The following KIF13A variants were observed in gnomAD, a reference collection of about 807,000 sequenced individuals.
KIF13A encodes kinesin-like protein KIF13A.
Under a neutral mutation model 212.2 loss-of-function variants are expected in KIF13A, and 79 were observed. That is an observed-to-expected ratio of 0.37 (90% confidence interval 0.31 to 0.45). The LOEUF is 0.45. Ranked by LOEUF, KIF13A falls within the 20% of genes least tolerant of loss-of-function variation. KIF13A has a pLI of 1.00. For synonymous variants in KIF13A, 789 were observed against 808.6 expected (o/e 0.98, Z 0.41); for missense variants, 1,901 against 2,209.0 (o/e 0.86, Z 2.79).
chr6:17,982,087 C>A lies in KIF13A; in HGVS notation c.146+4967G>T, dbSNP rs1208772642. On this transcript the variant is annotated intron_variant, in intron 2 of 38. Coordinates refer to ENST00000259711, the MANE Select transcript of KIF13A (RefSeq NM_022113.6). This position sits in a 1 kb window ranked among gnomAD's most constrained non-coding sequence, Gnocchi z 5.1. ...TTGGAATATATGCATTATATACTTA[C>A]CAACTGAGCATTCTTTTTTTTTTTT... 6.7e-6 allele frequency among the ~76,000 whole-genome samples: 1 copy of A among 150,114 alleles called. No individual in the cohort carries two copies. Among genetic ancestry groups the A allele is most frequent in the Non-Finnish European group, 1.5e-5 (1 of 67,788 alleles).
At chr6:17,924,316 T>C (rs761184517) in intron 2 of KIF13A, among the ~76,000 whole-genome samples, 3 of 152,164 alleles carry the variant, frequency 2.0e-5, no homozygotes, top group Non-Finnish European at 2.9e-5. Context: ...ACAATAGACA[T>C]TTTAGGGATT....
At chr6:17,976,528 G>C (rs901937767) in intron 2 of KIF13A, among the ~76,000 whole-genome samples, 1 of 152,084 alleles carries the variant, frequency 6.6e-6, no homozygotes, top group Non-Finnish European at 1.5e-5. Flanking sequence ...CAGCTGGCCC[G>C]CAAGCGCGGC....
chr6:17,843,187 G>A lies in KIF13A; in HGVS notation c.831-5604C>T, dbSNP rs1052654198. ...CTTGGTTTATGACTGAAAGCACTCA[G>A]TAAATATCTGCAGCGTTAATCTGAA... On this transcript the variant is annotated intron_variant, in intron 9 of 38. Transcript: ENST00000259711. The surrounding 1 kb of genome is among the most constrained non-coding windows in gnomAD (Gnocchi z 5.3). Among the ~76,000 whole-genome samples, 1 of 152,136 alleles carries A rather than the reference G, an allele frequency of 6.6e-6. No homozygotes were observed. The highest frequency in any genetic ancestry group is 2.4e-5 in the African/African-American group (1 of 41,426).
At position 17,794,695 on chromosome 6, in the gene KIF13A, T is replaced by A. The variant is rs1486751512; in HGVS notation, c.2952A>T (p.Glu984Asp). 1 of 1,608,768 alleles carries A rather than the reference T, an allele frequency of 6.2e-7. No individual in the cohort carries two copies. The highest frequency in any genetic ancestry group is 8.5e-7 in the Non-Finnish European group (1 of 1,178,824). Residue 984 changes from glutamate (E) to aspartate (D), a missense_variant, in exon 24 of 39, where the codon GAA becomes GAT. By Grantham distance (45) the Glu-to-Asp change is conservative. Coordinates refer to ENST00000259711, the MANE Select transcript of KIF13A (RefSeq NM_022113.6). The surrounding 1 kb of genome is among the most constrained non-coding windows in gnomAD (Gnocchi z 4.1). ...TCCACATTTCTATTCTTCGCGTTAC[T>A]TCATTCCACCTGCAGAAACACATTC... ...KTRTLHDRWN[E>D]VTRRIEMWIS...
At chr6:17,969,954 G>C (rs1432177770) in intron 2 of KIF13A, among the ~76,000 whole-genome samples, 1 of 149,358 alleles carries the variant, frequency 6.7e-6, no homozygotes, top group Non-Finnish European at 1.5e-5. Context: ...ACGGAGTCTC[G>C]CTCTTTCACC....
In KIF13A at chr6:17,785,680, GA is replaced by G. The variant is rs755202736; in HGVS notation, c.3362-40del. On this transcript the variant is annotated intron_variant, in intron 27 of 38. Transcript: ENST00000259711. This position sits in a 1 kb window ranked among gnomAD's most constrained non-coding sequence, Gnocchi z 5.8. ...TGAGGAGATCAATGCCAACAAGAGA[GA>G]AAGTATGACTTCTCAGTTTACAAGG... is the stretch of plus-strand genomic sequence containing the variant. The G allele has an allele frequency of 2.3e-5, 37 of 1,582,088 alleles. No individual in the cohort carries two copies. Among genetic ancestry groups the G allele is most frequent in the Non-Finnish European group, 1.6e-5 (19 of 1,163,626 alleles).
At chr6:17,931,184 T>C (rs1775950227) in intron 2 of KIF13A, among the ~76,000 whole-genome samples, 1 of 152,246 alleles carries the variant, frequency 6.6e-6, no homozygotes, top group African/African-American at 2.4e-5. Context: ...TTGTTCTTGG[T>C]TGACCAGTTT....
In KIF13A at chr6:17,855,027, A is replaced by G. The variant is rs1375821766; in HGVS notation, c.494+410T>C. 6.6e-6 allele frequency among the ~76,000 whole-genome samples: 1 copy of G among 152,182 alleles called. No homozygotes were observed. Among genetic ancestry groups the G allele is most frequent in the African/African-American group, 2.4e-5 (1 of 41,450 alleles). ...CAAGTGGATGCTTAAAACGTTCCCC[A>G]CATGATTCCAATGCACAGCCAGGGA... On this transcript the variant is annotated intron_variant, in intron 6 of 38. Coordinates refer to ENST00000259711, the MANE Select transcript of KIF13A (RefSeq NM_022113.6). This position sits in a 1 kb window ranked among gnomAD's most constrained non-coding sequence, Gnocchi z 4.1.
chr6:17,808,822 G>A lies in KIF13A; in HGVS notation c.2109C>T (p.Thr703=), dbSNP rs749165105. ...GGATCTGAAGAGTCACTTGGTAATCGGTGAGTTTGCTCATTTCCTCAGCCA... is the reference window on the plus strand; with the variant it reads ...GGATCTGAAGAGTCACTTGGTAATCAGTGAGTTTGCTCATTTCCTCAGCCA... The part of the protein sequence containing the change: ...NFLAEEMSKL[T]DYQVTLQIPA... The change falls in exon 18 of 39, where the codon ACC becomes ACT. Residue 703 remains threonine (T), a synonymous_variant. Coordinates refer to ENST00000259711, the MANE Select transcript of KIF13A (RefSeq NM_022113.6). 17 of 1,613,750 alleles carry A rather than the reference G, an allele frequency of 1.1e-5. No individual in the cohort carries two copies. The highest frequency in any genetic ancestry group is 1.3e-5 in the Non-Finnish European group (15 of 1,179,830).
intron 6 of KIF13A, 24 bp from the exon 7 acceptor site, chr6:17,852,066 T>C (rs779963188): frequency 2.7e-5 from 34 of 1,263,604 alleles, no homozygotes; most frequent in Non-Finnish European, 3.6e-5. Context: ...GAAAAAGGAA[T>C]AAATGAATCA....
At position 17,838,553 on chromosome 6, in the gene KIF13A, CAGAATGGCTGTT is replaced by C. The variant is rs1347949202; in HGVS notation, c.831-982_831-971del. On this transcript the variant is annotated intron_variant, in intron 9 of 38. Coordinates refer to ENST00000259711, the MANE Select transcript of KIF13A (RefSeq NM_022113.6). This position sits in a 1 kb window ranked among gnomAD's most constrained non-coding sequence, Gnocchi z 4.2. ...GAAAATGAACCAGAATTCATTTGAT[CAGAATGGCTGTT>C]AGAATTTTAATAACAGCCATTACCA... Among the ~76,000 whole-genome samples, 1 of 152,052 alleles carries C rather than the reference CAGAATGGCTGTT, an allele frequency of 6.6e-6. No individual in the cohort carries two copies. Among genetic ancestry groups the C allele is most frequent in the Non-Finnish European group, 1.5e-5 (1 of 68,018 alleles).
chr6:17,768,010 G>C lies in KIF13A; in HGVS notation c.4582-3064C>G, dbSNP rs1759165779. ...AAGCCCAGAGGGAAAGACTAAAACA[G>C]TAGGGACAGCTTATTCCAGAAAAAG... On this transcript the variant is annotated intron_variant, in intron 38 of 38. Coordinates refer to ENST00000259711, the MANE Select transcript of KIF13A (RefSeq NM_022113.6). This position sits in a 1 kb window ranked among gnomAD's most constrained non-coding sequence, Gnocchi z 5.4. Among the ~76,000 whole-genome samples, 1 of 152,188 alleles carries C rather than the reference G, an allele frequency of 6.6e-6. No individual in the cohort carries two copies. The highest frequency in any genetic ancestry group is 2.4e-5 in the African/African-American group (1 of 41,460).
In KIF13A at chr6:17,934,541, C is replaced by T. The variant is rs1485705002; in HGVS notation, c.147-36361G>A. 1.3e-5 allele frequency among the ~76,000 whole-genome samples: 2 copies of T among 152,186 alleles called. No homozygotes were observed. Among genetic ancestry groups the T allele is most frequent in the Admixed American group, 1.3e-4 (2 of 15,292 alleles). On this transcript the variant is annotated intron_variant, in intron 2 of 38. Coordinates refer to ENST00000259711, the MANE Select transcript of KIF13A (RefSeq NM_022113.6). This position sits in a 1 kb window ranked among gnomAD's most constrained non-coding sequence, Gnocchi z 5.4. The stretch of plus-strand genomic sequence containing the variant: ...GTGGGTCATGCCTGTAATCCCAAAA[C>T]TCTGGGAGACAGAGGCAGAGAGGAT...
At position 17,773,612 on chromosome 6, in the gene KIF13A, A is replaced by G. The variant is rs150226905; in HGVS notation, c.4219-29T>C. 155 of 1,312,792 alleles carry G rather than the reference A, an allele frequency of 1.2e-4. No homozygotes were observed. In the African/African-American group the frequency reaches 1.6e-3, roughly 14 times the overall value. The allele number at this position is 1,312,792 out of a possible 1,614,324, so 81.3% of individuals were successfully genotyped here. On this transcript the variant is annotated intron_variant, in intron 35 of 38. Coordinates refer to ENST00000259711, the MANE Select transcript of KIF13A (RefSeq NM_022113.6). This position sits in a 1 kb window ranked among gnomAD's most constrained non-coding sequence, Gnocchi z 4.2. ...CAAGGTAAAAATATGGGTTAACTGT[A>G]ATTGAATCACTCCAAAATAAGAAAT...
rs767573213 is a variant in KIF13A at position 17,785,551 on chromosome 6, G to C, written c.3452C>G (p.Ala1151Gly). The C allele has an allele frequency of 1.3e-6, 2 of 1,596,466 alleles. No individual in the cohort carries two copies. The highest frequency in any genetic ancestry group is 8.5e-7 in the Non-Finnish European group (1 of 1,172,312). The change falls in exon 28 of 39, where the codon GCC becomes GGC. Residue 1151 changes from alanine to glycine, a missense_variant. By Grantham distance (60) the Ala-to-Gly change is moderately conservative. Around this residue, in one of 5 missense-constraint regions of KIF13A, gnomAD observed 168 missense variants for 250.9 expected, o/e 0.67. Coordinates refer to ENST00000259711, the MANE Select transcript of KIF13A (RefSeq NM_022113.6). The surrounding 1 kb of genome is among the most constrained non-coding windows in gnomAD (Gnocchi z 5.8). ...TEERNAVLVPAPGSGIPGAPA... is the reference protein window; with the variant it reads ...TEERNAVLVPGPGSGIPGAPA... Reference sequence around the variant, plus strand: ...TGCCCCAGGAATCCCACTGCCTGGGGCTGGCACCAGCACAGCATTCCTTTC... The same window carrying C: ...TGCCCCAGGAATCCCACTGCCTGGGCCTGGCACCAGCACAGCATTCCTTTC...
chr6:17,975,369 C>T (rs1279785028), intron 2 of KIF13A, among the ~76,000 whole-genome samples: 4 of 152,096 alleles, frequency 2.6e-5, no homozygotes, highest in African/African-American at 4.8e-5. Context: ...CGGACCCTCA[C>T]AATGAATATT....
rs576548747 is a variant in KIF13A at position 17,872,899 on chromosome 6, G to C, written c.220+478C>G. 3.8e-4 allele frequency among the ~76,000 whole-genome samples: 58 copies of C among 152,218 alleles called. No individual in the cohort carries two copies. The highest frequency in any genetic ancestry group is 7.5e-4 in the Non-Finnish European group (51 of 68,004). ...GATCCGCCCACCTCGGCCTCCCAAA[G>C]TGCTGGGATTACAGATGTGAGCCAC... On this transcript the variant is annotated intron_variant, in intron 4 of 38. Coordinates refer to ENST00000259711, the MANE Select transcript of KIF13A (RefSeq NM_022113.6). The surrounding 1 kb of genome is among the most constrained non-coding windows in gnomAD (Gnocchi z 4.7).
intron 20 of KIF13A, among the ~76,000 whole-genome samples, chr6:17,803,882 G>A (rs116251831): frequency 0.025 from 3,871 of 152,304 alleles, 74 homozygotes; most frequent in Non-Finnish European, 0.04. Context: ...GCCAGGCACC[G>A]TGGCTCACGC....
rs1185672779 is a variant in KIF13A, at chr6:17,787,522, G to A, written c.3361+254C>T. ...AAAAATGAGCCAGGAGTGGTAGCTTGTGCCTGTGGTCTCAGCTACTCAGGA... is the reference window on the plus strand; with the variant it reads ...AAAAATGAGCCAGGAGTGGTAGCTTATGCCTGTGGTCTCAGCTACTCAGGA... On this transcript the variant is annotated intron_variant, in intron 27 of 38. Coordinates refer to ENST00000259711, the MANE Select transcript of KIF13A (RefSeq NM_022113.6). This position sits in a 1 kb window ranked among gnomAD's most constrained non-coding sequence, Gnocchi z 4.6. 2.0e-5 allele frequency among the ~76,000 whole-genome samples: 3 copies of A among 152,196 alleles called. No individual in the cohort carries two copies. The highest frequency in any genetic ancestry group is 7.2e-5 in the African/African-American group (3 of 41,532).
Sources: allele counts gnomAD v4.1 joint callset (sites outside exome capture counted in the v4.1 genomes callset), GRCh38; gene constraint gnomAD v4.1.1; regional missense constraint gnomAD v4.1.1; non-coding constraint Gnocchi (gnomAD v3.1); transcripts MANE v1.5; gene names NCBI Gene and HGNC (gene_info 2026-07-23, HGNC 2026-07-21).